The following NPLOC4 variants were observed in gnomAD, a reference collection of about 807,000 sequenced individuals.
NPLOC4 encodes the protein NPL4 homolog, ubiquitin recognition factor, also known as nuclear protein localization protein 4 homolog.
In NPLOC4, 18 loss-of-function variants were observed where a neutral mutation model predicts 80.6. The observed-to-expected ratio is 0.22, with a 90% confidence interval of 0.15 to 0.33. The LOEUF is 0.33. Ranked by LOEUF, NPLOC4 falls within the 10% of genes least tolerant of loss-of-function variation. The pLI, the probability that NPLOC4 is intolerant of heterozygous loss-of-function variation, is 1.00. For missense variants in NPLOC4, 540 were observed against 786.1 expected (o/e 0.69, Z 3.74); for synonymous variants, 313 against 301.5 (o/e 1.04, Z -0.39).
intron 4 of NPLOC4, 23 bp downstream of exon 4, chr17:81,613,295 C>A: frequency 6.2e-7 from 1 of 1,601,476 alleles, no homozygotes; most frequent in South Asian, 1.1e-5. Flanking sequence ...AAGTAGGACC[C>A]TGGAATCTCA....
At chr17:81,596,719 C>A (rs1015816707) in intron 10 of NPLOC4, among the ~76,000 whole-genome samples, 3 of 152,268 alleles carry the variant, frequency 2.0e-5, no homozygotes, top group Non-Finnish European at 4.4e-5. Context: ...CCGCCATGGG[C>A]TGAGCCCTGA....
chr17:81,586,082 C>T lies in NPLOC4; in HGVS notation c.1281+2862G>A, dbSNP rs566436915. Among the ~76,000 whole-genome samples, 338 of 152,178 alleles carry T rather than the reference C, an allele frequency of 2.2e-3. 5 individuals carry two copies. The highest frequency in any genetic ancestry group is 7.9e-3 in the African/African-American group (330 of 41,520). On this transcript the variant is annotated intron_variant, in intron 12 of 16. Coordinates refer to ENST00000331134, the MANE Select transcript of NPLOC4 (RefSeq NM_017921.4). ...GGTAGGTCACTTGAGATCAGGAGTT[C>T]GAGACCAGCCTGCCCAACGGGGTAG...
intron 1 of NPLOC4, among the ~76,000 whole-genome samples, chr17:81,635,779 T>C (rs1172446449): frequency 6.6e-6 from 1 of 152,164 alleles, no homozygotes; most frequent in Non-Finnish European, 1.5e-5. Flanking sequence ...AACATTACTC[T>C]TCACCCAATA....
chr17:81,617,911 G>A (rs892996790), intron 3 of NPLOC4, among the ~76,000 whole-genome samples: 6 of 152,182 alleles, frequency 3.9e-5, no homozygotes, highest in Non-Finnish European at 8.8e-5. Flanking sequence ...CGCCAGCCTC[G>A]GCCTCCCGAG....
chr17:81,560,323 G>A (rs905127280), intron 16 of NPLOC4, among the ~76,000 whole-genome samples: 2 of 152,224 alleles, frequency 1.3e-5, no homozygotes, highest in South Asian at 4.2e-4. Context: ...TGAGGAAGGA[G>A]AATCCCATGA....
intron 5 of NPLOC4, among the ~76,000 whole-genome samples, chr17:81,609,897 G>A (rs58398000): frequency 0.54 from 82,566 of 152,070 alleles, 23,883 homozygotes; most frequent in Non-Finnish European, 0.65. Flanking sequence ...TAAGCACGGA[G>A]GCCGACAGGC....
intron 10 of NPLOC4, 101 bp from the exon 11 acceptor site, chr17:81,596,343 C>G (rs570736907): frequency 2.2e-6 from 3 of 1,344,664 alleles, no homozygotes; most frequent in Non-Finnish European, 3.1e-6. Context: ...AGCAGTGACT[C>G]ACACCTCTAA....
chr17:81,560,842 C>T lies in NPLOC4; in HGVS notation c.1670-1426G>A, dbSNP rs1033240816. On this transcript the variant is annotated intron_variant, in intron 16 of 16. Coordinates refer to ENST00000331134, the MANE Select transcript of NPLOC4 (RefSeq NM_017921.4). ...CTCCCACTCGCAAGGTACGAGAGTC[C>T]CAGCTGCTTCACATCTTCACTCACA... is the stretch of plus-strand genomic sequence containing the variant. 3.3e-5 allele frequency: 5 copies of T among 152,194 alleles called. No homozygotes were observed. In the East Asian group the frequency reaches 9.6e-4, roughly 29 times the overall value. 9.4% of individuals were successfully genotyped at this position (152,194 alleles called of 1,614,324 possible). A position where few individuals can be genotyped will look rare whatever the true frequency, so the allele number is the denominator to read the frequency against.
At chr17:81,589,215 G>A (rs1210044335) in intron 11 of NPLOC4, 111 bp from the exon 12 acceptor site, 17 of 964,514 alleles carry the variant, frequency 1.8e-5, no homozygotes, top group Non-Finnish European at 3.0e-6. Context: ...TCAAGAGTTT[G>A]TCGGGGGTAA....
At chr17:81,607,309 T>C (rs2035228156) in intron 6 of NPLOC4, among the ~76,000 whole-genome samples, 1 of 151,560 alleles carries the variant, frequency 6.6e-6, no homozygotes, top group African/African-American at 2.4e-5. Context: ...AAATAAAAAC[T>C]ACTGTTGAAG....
chr17:81,578,797 G>T (rs981855043), intron 12 of NPLOC4, among the ~76,000 whole-genome samples: 2 of 152,234 alleles, frequency 1.3e-5, no homozygotes, highest in African/African-American at 4.8e-5. Flanking sequence ...GATGAGGTGT[G>T]GGTGTGGACA....
intron 11 of NPLOC4, among the ~76,000 whole-genome samples, chr17:81,589,372 T>TA (rs2034673750): frequency 6.6e-6 from 1 of 151,384 alleles, no homozygotes; most frequent in African/African-American, 2.4e-5. Flanking sequence ...CTACTAAAAA[T>TA]AAAAAAATTA....
At chr17:81,593,297 G>C (rs148279390) in intron 11 of NPLOC4, among the ~76,000 whole-genome samples, 2 of 152,202 alleles carry the variant, frequency 1.3e-5, no homozygotes, top group African/African-American at 4.8e-5. Context: ...CTCTCAGGAA[G>C]CCATGTTGCT....
intron 16 of NPLOC4, chr17:81,563,623 C>T (rs2033918668): frequency 4.8e-6 from 1 of 209,324 alleles, no homozygotes; most frequent in African/African-American, 2.4e-5. Flanking sequence ...ATTGTTAGAA[C>T]TGCATCAAAG....
intron 12 of NPLOC4, among the ~76,000 whole-genome samples, chr17:81,575,227 G>C (rs944807283): frequency 1.9e-4 from 29 of 152,174 alleles, no homozygotes; most frequent in African/African-American, 6.3e-4. Flanking sequence ...AGCCTCCCGA[G>C]TAGCTGGGAC....
rs972540057 is a variant in NPLOC4 at position 81,561,948 on chromosome 17, G to C, written c.1670-2532C>G. 4.6e-5 allele frequency: 7 copies of C among 152,166 alleles called. 1 individual carries two copies. The highest frequency in any genetic ancestry group is 2.0e-4 in the Admixed American group (3 of 15,264). 9.4% of individuals were successfully genotyped at this position (152,166 alleles called of 1,614,324 possible). ...TTAGGCCTATGACCCATCCTGAGCT[G>C]ATCTTTGTGTCTTGTGTATACACGT... On this transcript the variant is annotated intron_variant, in intron 16 of 16. Coordinates refer to ENST00000331134, the MANE Select transcript of NPLOC4 (RefSeq NM_017921.4).
At chr17:81,617,793 C>T (rs991857690) in intron 3 of NPLOC4, among the ~76,000 whole-genome samples, 3 of 152,088 alleles carry the variant, frequency 2.0e-5, no homozygotes, top group Admixed American at 1.3e-4. Flanking sequence ...CGAGTGCCTG[C>T]GATTGCAGGC....
Position 81,636,987 on chromosome 17 carries a change from AG to A in NPLOC4, c.-58del. 8.7e-7 allele frequency: 1 copy of A among 1,143,422 alleles called. No homozygotes were observed. The allele number at this position is 1,143,422 out of a possible 1,614,324, so 70.8% of individuals were successfully genotyped here. On this transcript the variant is annotated 5_prime_UTR_variant, in exon 1 of 17. Transcript: ENST00000331134. Reference sequence around the variant, plus strand: ...CGGGCCGCCGCCGCCTGCCGCCCCAAGGGCCTCGCAGACCCGGCCGCGGCCT... The same window carrying A: ...CGGGCCGCCGCCGCCTGCCGCCCCAAGGCCTCGCAGACCCGGCCGCGGCCT...
chr17:81,582,161 T>C (rs542025604), intron 12 of NPLOC4, among the ~76,000 whole-genome samples: 48 of 152,298 alleles, frequency 3.2e-4, no homozygotes, highest in Admixed American at 6.5e-4. Flanking sequence ...CTTATGATTC[T>C]AGGAGCCCAA....
Sources: gnomAD v4.1 joint callset for allele counts (sites outside exome capture counted in the v4.1 genomes callset) on GRCh38, gnomAD v4.1.1 for gene constraint, MANE v1.5 for transcripts, NCBI Gene and HGNC (gene_info 2026-07-23, HGNC 2026-07-21) for gene names.